The following TSHZ1 variants were observed in gnomAD, a reference collection of about 807,000 sequenced individuals.
TSHZ1 encodes the protein teashirt homolog 1.
In TSHZ1, 12 loss-of-function variants were observed where a neutral mutation model predicts 67.1. That is an observed-to-expected ratio of 0.18 (90% CI 0.11 to 0.29). The LOEUF is 0.29. Ranked by LOEUF, TSHZ1 falls within the 10% of genes least tolerant of loss-of-function variation. The probability of loss-of-function intolerance (pLI) is 1.00; values close to 1 mark genes in which losing one functional copy is unlikely to be tolerated. For missense variants in TSHZ1, 1,305 were observed against 1,413.9 expected, an observed-to-expected ratio of 0.92 and a Z score of 1.23; for synonymous variants, 632 against 622.4, an observed-to-expected ratio of 1.02 and a Z score of -0.23.
Position 75,286,522 on chromosome 18 carries a change from C to T in TSHZ1, c.1115C>T (p.Ala372Val), listed in dbSNP as rs749830078. The T allele has an allele frequency of 6.2e-7, 1 of 1,614,218 alleles. No homozygotes were observed. The highest frequency in any genetic ancestry group is 1.3e-5 in the African/African-American group (1 of 75,072). Residue 372 changes from alanine to valine, a missense_variant, in exon 2 of 2, where the codon GCA (alanine) becomes GTA (valine). Ala to Val is a moderately conservative substitution (Grantham distance 64). This residue lies in a region of TSHZ1 where 909 missense variants were observed against 961.8 expected (regional missense o/e 0.95). Transcript: ENST00000580243. The surrounding 1 kb of genome is among the most constrained non-coding windows in gnomAD (Gnocchi z 5.1). ...PCSPEPAGMA[A>V]EVALSESAKD... Reference sequence around the variant, plus strand: ...TCCCCTGAGCCAGCAGGAATGGCCGCAGAGGTGGCCCTGAGTGAGTCAGCC... The same window carrying T: ...TCCCCTGAGCCAGCAGGAATGGCCGTAGAGGTGGCCCTGAGTGAGTCAGCC...
chr18:75,246,268 T>TA (rs1421367036), intron 1 of TSHZ1, among the ~76,000 whole-genome samples: 1 of 152,188 alleles, frequency 6.6e-6, no homozygotes, highest in Non-Finnish European at 1.5e-5. Flanking sequence ...AAAATGTAGC[T>TA]AACGTGTGTG....
chr18:75,234,633 T>C (rs2023043931), intron 1 of TSHZ1, among the ~76,000 whole-genome samples: 1 of 152,130 alleles, frequency 6.6e-6, no homozygotes, highest in Non-Finnish European at 1.5e-5. Flanking sequence ...GTATATGAGA[T>C]GGTCTTCATT....
chr18:75,237,795 TA>T (rs1454113599), intron 1 of TSHZ1, among the ~76,000 whole-genome samples: 2 of 143,510 alleles, frequency 1.4e-5, no homozygotes, highest in African/African-American at 5.7e-5. Context: ...TTCTTTCATT[TA>T]TTTATTTATT....
intron 1 of TSHZ1, among the ~76,000 whole-genome samples, chr18:75,239,572 C>T (rs2023127155): frequency 6.6e-6 from 1 of 152,192 alleles, no homozygotes; most frequent in Non-Finnish European, 1.5e-5. Flanking sequence ...ACAATCATCG[C>T]TCACTGCAGC....
intron 1 of TSHZ1, among the ~76,000 whole-genome samples, chr18:75,250,491 C>T (rs2023286849): frequency 6.6e-6 from 1 of 152,212 alleles, no homozygotes; most frequent in Non-Finnish European, 1.5e-5. Flanking sequence ...GCCCTCCCCG[C>T]GTGGACGTGG....
intron 1 of TSHZ1, among the ~76,000 whole-genome samples, chr18:75,216,940 C>G (rs767371894): frequency 1.3e-5 from 2 of 152,150 alleles, no homozygotes; most frequent in African/African-American, 2.4e-5. Context: ...GCCAGACTCA[C>G]CGAGGAGGAG....
Position 75,280,672 on chromosome 18 carries a change from A to T in TSHZ1, c.41-4776A>T, listed in dbSNP as rs144560454. 379 of 871,040 alleles carry T rather than the reference A, an allele frequency of 4.4e-4. 1 individual carries two copies. In the African/African-American group the frequency reaches 5.6e-3, roughly 13 times the overall value. 54.0% of individuals were successfully genotyped at this position (871,040 alleles called of 1,614,324 possible). ...AGACTCTGTTTTCTTTCCTGTGGAAAAGGTGTTTCAGTGATAACTTAGCTT... is the reference window on the plus strand; with the variant it reads ...AGACTCTGTTTTCTTTCCTGTGGAATAGGTGTTTCAGTGATAACTTAGCTT... On this transcript the variant is annotated intron_variant, in intron 1 of 1. Transcript: ENST00000580243.
chr18:75,218,684 C>T (rs527469013), intron 1 of TSHZ1, among the ~76,000 whole-genome samples: 1 of 152,236 alleles, frequency 6.6e-6, no homozygotes, highest in Non-Finnish European at 1.5e-5. Context: ...GCAGCCTGCA[C>T]CCACGTCAGT....
At chr18:75,250,509 G>C (rs2023287325) in intron 1 of TSHZ1, among the ~76,000 whole-genome samples, 2 of 152,208 alleles carry the variant, frequency 1.3e-5, no homozygotes, top group South Asian at 4.1e-4. Flanking sequence ...TGGACGGGGC[G>C]GTGCGGGCTG....
At chr18:75,230,850 A>G (rs2122533956) in intron 1 of TSHZ1, among the ~76,000 whole-genome samples, 1 of 152,352 alleles carries the variant, frequency 6.6e-6, no homozygotes, top group Middle Eastern at 3.4e-3. Flanking sequence ...ATACTCTTCC[A>G]ACGCTGTATT....
intron 1 of TSHZ1, among the ~76,000 whole-genome samples, chr18:75,233,259 C>T (rs2023023470): frequency 6.6e-6 from 1 of 152,194 alleles, no homozygotes; most frequent in African/African-American, 2.4e-5. Context: ...ATTTTACATC[C>T]CAGTATATTC....
chr18:75,275,380 G>A lies in TSHZ1; in HGVS notation c.41-10068G>A, dbSNP rs375587872. On this transcript the variant is annotated intron_variant, in intron 1 of 1. Coordinates refer to ENST00000580243, the MANE Select transcript of TSHZ1 (RefSeq NM_001308210.2). ...AGAGTACAGCGTGCAGTGCTGTGAA[G>A]GTAACTGGGTTATCAGGCAGCAGTA... Among the ~76,000 whole-genome samples, 172 of 152,276 alleles carry A rather than the reference G, an allele frequency of 1.1e-3. 4 individuals carry two copies. Among genetic ancestry groups the A allele is most frequent in the African/African-American group, 4.1e-3 (169 of 41,544 alleles).
chr18:75,255,074 T>C (rs1468467615), intron 1 of TSHZ1, among the ~76,000 whole-genome samples: 1 of 152,226 alleles, frequency 6.6e-6, no homozygotes, highest in Admixed American at 6.5e-5. Context: ...AAACACACCT[T>C]CTGTATCTGT....
At chr18:75,219,308 A>T (rs1241633321) in intron 1 of TSHZ1, among the ~76,000 whole-genome samples, 1 of 152,226 alleles carries the variant, frequency 6.6e-6, no homozygotes, top group African/African-American at 2.4e-5. Context: ...TTGATAGAGG[A>T]TGCCCTTACA....
intron 1 of TSHZ1, among the ~76,000 whole-genome samples, chr18:75,237,220 G>A (rs2023084674): frequency 6.6e-6 from 1 of 152,160 alleles, no homozygotes; most frequent in South Asian, 2.1e-4. Context: ...CATGTTCCAT[G>A]TATGAAATAA....
At chr18:75,257,700 C>T (rs2023377797) in intron 1 of TSHZ1, among the ~76,000 whole-genome samples, 1 of 151,958 alleles carries the variant, frequency 6.6e-6, no homozygotes, top group Non-Finnish European at 1.5e-5. Context: ...ATTTGGTATT[C>T]CTGATGAGGA....
intron 1 of TSHZ1, among the ~76,000 whole-genome samples, chr18:75,265,008 C>T (rs1007717515): frequency 1.3e-5 from 2 of 152,266 alleles, no homozygotes; most frequent in East Asian, 1.9e-4. Context: ...TAAATTGGTA[C>T]GTTAAATATG....
chr18:75,284,664 T>A (rs1236616838), intron 1 of TSHZ1: 1 of 152,326 alleles, frequency 6.6e-6, no homozygotes, highest in African/African-American at 2.4e-5. Context: ...CTCTTGTGTC[T>A]GGCTGCCTTC....
chr18:75,270,035 A>G (rs1221660428), intron 1 of TSHZ1, among the ~76,000 whole-genome samples: 1 of 152,230 alleles, frequency 6.6e-6, no homozygotes, highest in Non-Finnish European at 1.5e-5. Context: ...TGTAGACAAG[A>G]ACCTGATTTT....
Sources: gnomAD v4.1 joint callset for allele counts (sites outside exome capture counted in the v4.1 genomes callset) on GRCh38, gnomAD v4.1.1 for gene constraint, gnomAD v4.1.1 regional missense constraint, Gnocchi (gnomAD v3.1) non-coding constraint, MANE v1.5 for transcripts, NCBI Gene and HGNC (gene_info 2026-07-23, HGNC 2026-07-21) for gene names.